DPYD: variants seen among roughly 807,000 people sequenced by gnomAD.
The protein encoded by DPYD is dihydropyrimidine dehydrogenase, also known as dihydropyrimidine dehydrogenase [NADP(+)].
DPYD carries 109 observed loss-of-function variants against 116.2 expected under a neutral mutation model. The ratio of observed to expected loss-of-function variants is 0.94; its 90% CI spans 0.80 to 1.10. The LOEUF (loss-of-function observed/expected upper bound fraction) is 1.10, where lower values mean the gene tolerates loss of function less well. DPYD is among the 50% of genes least tolerant of loss of function. DPYD has a pLI of 0.00. For missense variants in DPYD, 1,302 were observed against 1,254.5 expected (o/e 1.04, Z -0.57); for synonymous variants, 440 against 432.0 (o/e 1.02, Z -0.23).
At chr1:97,183,882 A>C (rs779632877) in intron 20 of DPYD, among the ~76,000 whole-genome samples, 5 of 152,018 alleles carry the variant, frequency 3.3e-5, no homozygotes, top group Admixed American at 6.6e-5. Context: ...CATAGTGCCC[A>C]GTAGTTATTT....
Position 97,348,699 on chromosome 1 carries a change from T to C in DPYD, c.2058+24862A>G, listed in dbSNP as rs1189795129. 2.0e-5 allele frequency among the ~76,000 whole-genome samples: 3 copies of C among 152,068 alleles called. No individual in the cohort carries two copies. In the East Asian group the frequency reaches 5.8e-4, roughly 29 times the overall value. ...TGGAAAATATTAATATACAAGGTAATGTGAGGGAAATGAAAAAGAATGTGA... is the reference window on the plus strand; with the variant it reads ...TGGAAAATATTAATATACAAGGTAACGTGAGGGAAATGAAAAAGAATGTGA... On this transcript the variant is annotated intron_variant, in intron 16 of 22. Transcript: ENST00000370192.
intron 8 of DPYD, among the ~76,000 whole-genome samples, chr1:97,625,445 A>G (rs984491963): frequency 6.6e-6 from 1 of 152,032 alleles, no homozygotes; most frequent in South Asian, 2.1e-4. Context: ...TATAGATGAT[A>G]TATCAATGGG....
intron 20 of DPYD, among the ~76,000 whole-genome samples, chr1:97,114,036 G>A (rs534756354): frequency 1.1e-3 from 168 of 152,146 alleles, no homozygotes; most frequent in African/African-American, 4.0e-3. Flanking sequence ...GATGCTACAT[G>A]GAAATTACAT....
chr1:97,262,559 G>C (rs986597540), intron 18 of DPYD, among the ~76,000 whole-genome samples: 2 of 151,982 alleles, frequency 1.3e-5, no homozygotes, highest in Non-Finnish European at 2.9e-5. Flanking sequence ...CTAAAGTTTT[G>C]AGAGTAGTAA....
chr1:97,476,221 A>T (rs1677953779), intron 13 of DPYD, among the ~76,000 whole-genome samples: 1 of 152,180 alleles, frequency 6.6e-6, no homozygotes, highest in African/African-American at 2.4e-5. Flanking sequence ...TTCATCTCAG[A>T]TCCTTTTTAA....
intron 14 of DPYD, among the ~76,000 whole-genome samples, chr1:97,387,415 G>A (rs1273391605): frequency 6.6e-6 from 1 of 152,064 alleles, no homozygotes; most frequent in East Asian, 1.9e-4. Context: ...CAGAAGTGAT[G>A]AACAAGACAG....
chr1:97,687,823 C>T (rs1445713627), intron 7 of DPYD, among the ~76,000 whole-genome samples: 1 of 152,132 alleles, frequency 6.6e-6, no homozygotes, highest in Non-Finnish European at 1.5e-5. Context: ...ATGTCCTTTG[C>T]AGGGACATGG....
At chr1:97,165,443 C>T (rs1411000221) in intron 20 of DPYD, among the ~76,000 whole-genome samples, 1 of 152,034 alleles carries the variant, frequency 6.6e-6, no homozygotes, top group Non-Finnish European at 1.5e-5. Flanking sequence ...GGATTGAAGA[C>T]TTAAATGTAA....
intron 8 of DPYD, among the ~76,000 whole-genome samples, chr1:97,624,354 T>G (rs1436035202): frequency 6.6e-6 from 1 of 151,966 alleles, no homozygotes; most frequent in East Asian, 1.9e-4. Context: ...ACAAATGGCC[T>G]AGAATATATG....
At chr1:97,517,697 G>C (rs1033703579) in intron 12 of DPYD, among the ~76,000 whole-genome samples, 1 of 151,982 alleles carries the variant, frequency 6.6e-6, no homozygotes, top group African/African-American at 2.4e-5. Flanking sequence ...CAAGTTTTAG[G>C]GTTAGACTAA....
At chr1:97,775,686 T>G (rs1666360010) in intron 3 of DPYD, among the ~76,000 whole-genome samples, 2 of 152,184 alleles carry the variant, frequency 1.3e-5, no homozygotes, top group Non-Finnish European at 2.9e-5. Context: ...TGTCCTAATG[T>G]TTATAATCTG....
chr1:97,556,044 T>C (rs1651678381), intron 11 of DPYD, among the ~76,000 whole-genome samples: 1 of 152,214 alleles, frequency 6.6e-6, no homozygotes, highest in African/African-American at 2.4e-5. Flanking sequence ...TCAGTGATCA[T>C]CTTGCTTCAG....
At chr1:97,289,980 T>C (rs1212613153) in intron 18 of DPYD, among the ~76,000 whole-genome samples, 2 of 152,146 alleles carry the variant, frequency 1.3e-5, no homozygotes, top group Admixed American at 6.5e-5. Context: ...GATAAGCAAC[T>C]TCAGCAAAGT....
At chr1:97,339,326 A>T (rs1034298534) in intron 16 of DPYD, among the ~76,000 whole-genome samples, 17 of 152,148 alleles carry the variant, frequency 1.1e-4, no homozygotes, top group Non-Finnish European at 1.9e-4. Context: ...GCTCACTAAG[A>T]CTCAGACAGG....
intron 16 of DPYD, among the ~76,000 whole-genome samples, chr1:97,371,398 AGAGGGACTAGAAT>A (rs1671305315): frequency 6.6e-6 from 1 of 152,208 alleles, no homozygotes. Flanking sequence ...GCAATGGGGA[AGAGGGACTAGAAT>A]GACTCTTCAG....
Position 97,175,705 on chromosome 1 carries a change from A to G in DPYD, c.2622+17364T>C, listed in dbSNP as rs1233347131. On this transcript the variant is annotated intron_variant, in intron 20 of 22. Transcript: ENST00000370192. ...TCAACTGCCACGTTCTATAAGCCTT[A>G]GCTCCTACCTAAACCACCTAATGCA... Among the ~76,000 whole-genome samples the G allele has an allele frequency of 2.0e-5, 3 of 152,190 alleles. 1 individual carries two copies. The highest frequency in any genetic ancestry group is 2.0e-4 in the Admixed American group (3 of 15,260).
chr1:97,154,012 T>G (rs945087503), intron 20 of DPYD, among the ~76,000 whole-genome samples: 1 of 149,414 alleles, frequency 6.7e-6, no homozygotes, highest in Non-Finnish European at 1.5e-5. Context: ...GATATCGTGA[T>G]GTGATGAAAA....
intron 14 of DPYD, among the ~76,000 whole-genome samples, chr1:97,437,687 T>C (rs1675544875): frequency 6.6e-6 from 1 of 152,014 alleles, no homozygotes; most frequent in Non-Finnish European, 1.5e-5. Context: ...GTCTGTCATC[T>C]GTATTTTCAT....
At position 97,274,141 on chromosome 1, in the gene DPYD, T is replaced by G. The variant is rs552647517; in HGVS notation, c.2299+31118A>C. On this transcript the variant is annotated intron_variant, in intron 18 of 22. Transcript: ENST00000370192. ...TAAAAACGAGAAAATAAATATGAATTTGGATATATACATCTAAATTCAAGG... is the reference window on the plus strand; with the variant it reads ...TAAAAACGAGAAAATAAATATGAATGTGGATATATACATCTAAATTCAAGG... Among the ~76,000 whole-genome samples the G allele has an allele frequency of 8.7e-4, 133 of 152,268 alleles. 2 individuals carry two copies. Among genetic ancestry groups the G allele is most frequent in the African/African-American group, 3.1e-3 (130 of 41,538 alleles).
Sources: allele counts gnomAD v4.1 joint callset (sites outside exome capture counted in the v4.1 genomes callset), GRCh38; gene constraint gnomAD v4.1.1; transcripts MANE v1.5; gene names NCBI Gene and HGNC (gene_info 2026-07-23, HGNC 2026-07-21).